DIAPH3: variants seen among roughly 807,000 people sequenced by gnomAD.
The protein encoded by DIAPH3 is protein diaphanous homolog 3.
DIAPH3 carries 117 observed loss-of-function variants against 144.3 expected under a neutral mutation model. That is an observed-to-expected ratio of 0.81 (90% confidence interval 0.70 to 0.95). DIAPH3 has a LOEUF of 0.95. DIAPH3 is among the 40% of genes least tolerant of loss of function. DIAPH3 has a pLI of 0.00. For synonymous variants in DIAPH3, 519 were observed against 488.9 expected (o/e 1.06, Z -0.81); for missense variants, 1,421 against 1,412.7 (o/e 1.01, Z -0.09).
chr13:59,992,323 G>C, intron 10 of DIAPH3, 137 bp from the exon 11 acceptor site: 1 of 1,004,540 alleles, frequency 1.0e-6, no homozygotes, highest in Non-Finnish European at 1.5e-6. Flanking sequence ...AATAACACTC[G>C]AATCTTATCA....
rs1355002763 is a variant in DIAPH3 at position 59,983,889 on chromosome 13, T to C, written c.1362-2A>G. On this transcript the variant is annotated splice_acceptor_variant, in intron 12 of 27. Transcript: ENST00000400324. LOFTEE classifies it high-confidence loss of function. ...TCAATTAATTTGAAGTATTGTTGCC[T>C]AAAACCAAAGAAAAGAGTAAATGTA... The C allele has an allele frequency of 3.8e-6, 6 of 1,573,052 alleles. No homozygotes were observed. The highest frequency in any genetic ancestry group is 5.2e-6 in the Non-Finnish European group (6 of 1,144,272).
chr13:59,995,048 G>C (rs149193939), intron 9 of DIAPH3, among the ~76,000 whole-genome samples: 9 of 151,710 alleles, frequency 5.9e-5, no homozygotes, highest in African/African-American at 1.2e-4. Flanking sequence ...TTTACAAGAG[G>C]CCTCCCACTT....
intron 1 of DIAPH3, among the ~76,000 whole-genome samples, chr13:60,140,077 T>C (rs546821459): frequency 6.6e-6 from 1 of 152,340 alleles, no homozygotes; most frequent in Non-Finnish European, 1.5e-5. Context: ...AGAGTCACCT[T>C]GAAGCTTATC....
At chr13:59,770,689 A>C (rs1007720115) in intron 27 of DIAPH3, among the ~76,000 whole-genome samples, 4 of 152,170 alleles carry the variant, frequency 2.6e-5, no homozygotes. Flanking sequence ...TCTGGAAGCC[A>C]GCTCTAAACT....
intron 22 of DIAPH3, among the ~76,000 whole-genome samples, chr13:59,846,200 T>C (rs1342229645): frequency 1.3e-5 from 2 of 151,692 alleles, no homozygotes; most frequent in Non-Finnish European, 2.9e-5. Flanking sequence ...AGATTAAGAT[T>C]TCAAGTAAGA....
At chr13:59,820,675 C>T (rs1317178425) in intron 24 of DIAPH3, among the ~76,000 whole-genome samples, 1 of 151,082 alleles carries the variant, frequency 6.6e-6, no homozygotes, top group Non-Finnish European at 1.5e-5. Flanking sequence ...TCCAAATAGG[C>T]CTTTACTTGA....
intron 17 of DIAPH3, among the ~76,000 whole-genome samples, chr13:59,943,645 C>T (rs1435842045): frequency 1.3e-5 from 2 of 151,852 alleles, no homozygotes; most frequent in Admixed American, 1.3e-4. Context: ...GAAATTGGAA[C>T]AATAAGATGT....
chr13:59,709,233 A>G (rs578238292), intron 27 of DIAPH3, among the ~76,000 whole-genome samples: 1 of 152,306 alleles, frequency 6.6e-6, no homozygotes, highest in South Asian at 2.1e-4. Flanking sequence ...TCTTTTTTCA[A>G]AACAACAGAT....
intron 5 of DIAPH3, among the ~76,000 whole-genome samples, chr13:60,027,930 G>A (rs1421274822): frequency 6.6e-6 from 1 of 152,048 alleles, no homozygotes; most frequent in Non-Finnish European, 1.5e-5. Context: ...CTAAATACTT[G>A]TCACTACTAC....
intron 4 of DIAPH3, among the ~76,000 whole-genome samples, chr13:60,067,109 A>G (rs1484021476): frequency 6.6e-6 from 1 of 152,006 alleles, no homozygotes; most frequent in East Asian, 1.9e-4. Context: ...TGAGACCCCC[A>G]TCTCTACAAA....
At chr13:59,751,794 G>T (rs776196986) in intron 27 of DIAPH3, among the ~76,000 whole-genome samples, 1 of 152,176 alleles carries the variant, frequency 6.6e-6, no homozygotes, top group Non-Finnish European at 1.5e-5. Context: ...AATTGGTGTG[G>T]TAACAGTACT....
intron 2 of DIAPH3, among the ~76,000 whole-genome samples, chr13:60,128,250 T>A (rs927275951): frequency 1.3e-5 from 2 of 152,204 alleles, no homozygotes; most frequent in Non-Finnish European, 2.9e-5. Context: ...TTGTTCTTTT[T>A]TATGGCTGCA....
At chr13:59,827,219 A>G (rs968354222) in intron 24 of DIAPH3, among the ~76,000 whole-genome samples, 6 of 152,084 alleles carry the variant, frequency 3.9e-5, no homozygotes, top group African/African-American at 1.4e-4. Flanking sequence ...GCACAGCAAA[A>G]GAAACTACCA....
chr13:59,852,147 C>A (rs1441965227), intron 22 of DIAPH3, among the ~76,000 whole-genome samples: 1 of 152,090 alleles, frequency 6.6e-6, no homozygotes, highest in African/African-American at 2.4e-5. Flanking sequence ...CAAGAAGCCA[C>A]CATCACAGTG....
rs2054710083 is a variant in DIAPH3 at position 60,030,545 on chromosome 13, T to C, written c.626+12145A>G. ...AATCTCCTTATTCTGTTTTTACTAT[T>C]CAAATCCATTTAACATGTACTCTGA... On this transcript the variant is annotated intron_variant, in intron 5 of 27. Coordinates refer to ENST00000400324, the MANE Select transcript of DIAPH3 (RefSeq NM_001042517.2). 3.9e-5 allele frequency among the ~76,000 whole-genome samples: 6 copies of C among 152,298 alleles called. 1 individual carries two copies. The South Asian group carries it at 1.2e-3, about 32-fold the overall frequency.
chr13:60,066,325 C>A (rs2056964429), intron 4 of DIAPH3, among the ~76,000 whole-genome samples: 1 of 152,006 alleles, frequency 6.6e-6, no homozygotes, highest in Non-Finnish European at 1.5e-5. Flanking sequence ...ACAATTACAT[C>A]ACAAATTACA....
intron 20 of DIAPH3, among the ~76,000 whole-genome samples, chr13:59,885,151 A>G (rs1056330985): frequency 2.2e-4 from 34 of 152,150 alleles, no homozygotes; most frequent in African/African-American, 7.5e-4. Context: ...AGGATCATCA[A>G]GTGGTAAAGC....
At chr13:60,105,099 CAAAAAAAAAAAAAAAAAA>C (rs60853102) in intron 3 of DIAPH3, among the ~76,000 whole-genome samples, 1 of 41,826 alleles carries the variant, frequency 2.4e-5, no homozygotes, top group African/African-American at 1.0e-4. Context: ...GACACGATCT[CAAAAAAAAAAAAAAAAAA>C]AAAAAAAACT....
chr13:60,119,617 G>C (rs1490882699), intron 2 of DIAPH3, among the ~76,000 whole-genome samples: 1 of 149,812 alleles, frequency 6.7e-6, no homozygotes, highest in East Asian at 2.0e-4. Flanking sequence ...CGTAGTGGCG[G>C]GCGCCTGTAG....
Sources: gnomAD v4.1 joint callset for allele counts (sites outside exome capture counted in the v4.1 genomes callset) on GRCh38, gnomAD v4.1.1 for gene constraint, MANE v1.5 for transcripts, NCBI Gene and HGNC (gene_info 2026-07-23, HGNC 2026-07-21) for gene names.